The following CCDC178 variants were observed in gnomAD, a reference collection of about 807,000 sequenced individuals.
CCDC178 encodes coiled-coil domain containing 178, also known as coiled-coil domain-containing protein 178.
CCDC178 carries 126 observed loss-of-function variants against 117.4 expected under a neutral mutation model. That is an observed-to-expected ratio of 1.07 (90% CI 0.93 to 1.24). The LOEUF (loss-of-function observed/expected upper bound fraction) is 1.24. Ranked by LOEUF, CCDC178 falls within the 50% of genes most tolerant of loss-of-function variation. The probability of loss-of-function intolerance (pLI) is 0.00; values close to 1 mark genes in which losing one functional copy is unlikely to be tolerated. For missense variants in CCDC178, 1,030 were observed against 986.9 expected, an observed-to-expected ratio of 1.04 and a Z score of -0.59; for synonymous variants, 283 against 313.4, an observed-to-expected ratio of 0.90 and a Z score of 1.02.
At chr18:33,175,527 T>C (rs2144446854) in intron 20 of CCDC178, among the ~76,000 whole-genome samples, 1 of 152,230 alleles carries the variant, frequency 6.6e-6, no homozygotes, top group East Asian at 1.9e-4. Context: ...AGATTTTAAT[T>C]CATATATCTC....
chr18:33,292,766 A>G (rs914439813), intron 12 of CCDC178, among the ~76,000 whole-genome samples: 12 of 152,036 alleles, frequency 7.9e-5, no homozygotes, highest in African/African-American at 2.9e-4. Context: ...TTTTGTTTTA[A>G]TTGACACACA....
intron 20 of CCDC178, among the ~76,000 whole-genome samples, chr18:33,169,509 T>G (rs1309375947): frequency 2.6e-5 from 4 of 152,178 alleles, no homozygotes; most frequent in Non-Finnish European, 4.4e-5. Context: ...AAATCTATTC[T>G]TGGTCTATTA....
intron 2 of CCDC178, among the ~76,000 whole-genome samples, chr18:33,413,845 C>A (rs2055931697): frequency 6.6e-6 from 1 of 152,038 alleles, no homozygotes; most frequent in Non-Finnish European, 1.5e-5. Flanking sequence ...AGGACTGAGA[C>A]CCCAAAAGTC....
chr18:33,393,627 T>C (rs1462168118), intron 4 of CCDC178, among the ~76,000 whole-genome samples: 1 of 152,170 alleles, frequency 6.6e-6, no homozygotes, highest in Non-Finnish European at 1.5e-5. Flanking sequence ...GCTCAATATA[T>C]TTTTGAGATT....
At chr18:33,286,762 T>C (rs553210660) in intron 12 of CCDC178, among the ~76,000 whole-genome samples, 2 of 152,310 alleles carry the variant, frequency 1.3e-5, no homozygotes, top group East Asian at 1.9e-4. Flanking sequence ...TATGTGATTG[T>C]CAATAAAATA....
At chr18:33,311,504 G>A (rs964702344) in intron 11 of CCDC178, among the ~76,000 whole-genome samples, 5 of 152,238 alleles carry the variant, frequency 3.3e-5, no homozygotes, top group African/African-American at 1.2e-4. Context: ...CTCAGCTCCA[G>A]TGAGTGTCCC....
rs114746794 is a variant in CCDC178 at position 33,252,422 on chromosome 18, T to C, written c.1410-6994A>G. Among the ~76,000 whole-genome samples the C allele has an allele frequency of 7.6e-3, 1,151 of 151,926 alleles. 9 individuals carry two copies. The highest frequency in any genetic ancestry group is 0.026 in the African/African-American group (1,068 of 41,524). On this transcript the variant is annotated intron_variant, in intron 14 of 22. Coordinates refer to ENST00000383096, the MANE Select transcript of CCDC178 (RefSeq NM_001105528.4). ...GGTGAGTAGTTAATTTTAGATGATG[T>C]ATATATCATTTTAATGCATTATTTG... is the stretch of plus-strand genomic sequence containing the variant.
intron 6 of CCDC178, among the ~76,000 whole-genome samples, chr18:33,362,482 T>C (rs9962942): frequency 0.43 from 65,143 of 151,528 alleles, 15,447 homozygotes; most frequent in African/African-American, 0.64. Flanking sequence ...AGAGATCTAA[T>C]GTAAAACATG....
At chr18:33,029,560 G>A (rs1675122319) in intron 21 of CCDC178, among the ~76,000 whole-genome samples, 1 of 151,528 alleles carries the variant, frequency 6.6e-6, no homozygotes, top group Non-Finnish European at 1.5e-5. Flanking sequence ...TTTAAGTTTA[G>A]TTTACAATTA....
chr18:33,185,333 C>T (rs2058778415), intron 20 of CCDC178, among the ~76,000 whole-genome samples: 1 of 151,834 alleles, frequency 6.6e-6, no homozygotes, highest in South Asian at 2.1e-4. Context: ...AAGGAAAACA[C>T]CTTCCATGAA....
At chr18:33,157,729 G>C (rs758229286) in intron 20 of CCDC178, among the ~76,000 whole-genome samples, 1 of 151,948 alleles carries the variant, frequency 6.6e-6, no homozygotes, top group Non-Finnish European at 1.5e-5. Context: ...TTAAGATCTC[G>C]CTTATGGCTT....
chr18:33,346,071 G>A (rs1221762482), intron 9 of CCDC178, 140 bp downstream of exon 9: 13 of 558,598 alleles, frequency 2.3e-5, no homozygotes, highest in Middle Eastern at 4.8e-4. Flanking sequence ...CAAGTGATCC[G>A]CATCCCCAGC....
chr18:33,398,779 A>G (rs1191865880), intron 3 of CCDC178, among the ~76,000 whole-genome samples: 1 of 152,224 alleles, frequency 6.6e-6, no homozygotes, highest in Non-Finnish European at 1.5e-5. Context: ...AGTGAGTCAT[A>G]CAAAGTGTTT....
At chr18:32,942,588 C>T (rs1361267067) in intron 22 of CCDC178, among the ~76,000 whole-genome samples, 1 of 151,958 alleles carries the variant, frequency 6.6e-6, no homozygotes, top group African/African-American at 2.4e-5. Flanking sequence ...GTTAAGTCAT[C>T]TGTGTTTTCT....
intron 22 of CCDC178, among the ~76,000 whole-genome samples, chr18:32,955,540 C>A (rs1194952464): frequency 6.6e-6 from 1 of 152,102 alleles, no homozygotes; most frequent in Non-Finnish European, 1.5e-5. Flanking sequence ...GAATCTGGTT[C>A]ATCTTTATAT....
At chr18:33,391,466 A>G (rs2063564720) in intron 4 of CCDC178, among the ~76,000 whole-genome samples, 1 of 152,138 alleles carries the variant, frequency 6.6e-6, no homozygotes, top group Non-Finnish European at 1.5e-5. Context: ...ATTGATATAC[A>G]TATTATGAAT....
chr18:32,973,240 G>A (rs2144691325), intron 22 of CCDC178, among the ~76,000 whole-genome samples: 1 of 152,158 alleles, frequency 6.6e-6, no homozygotes, highest in South Asian at 2.1e-4. Flanking sequence ...TTCACAGTGA[G>A]AATTTATCAT....
chr18:33,411,469 C>G (rs2063852909), intron 3 of CCDC178, among the ~76,000 whole-genome samples: 1 of 151,888 alleles, frequency 6.6e-6, no homozygotes, highest in African/African-American at 2.4e-5. Flanking sequence ...AATTTACTGA[C>G]CTCTGTTTTA....
intron 21 of CCDC178, among the ~76,000 whole-genome samples, chr18:33,025,600 T>C (rs1047428093): frequency 1.3e-5 from 2 of 152,152 alleles, no homozygotes; most frequent in Non-Finnish European, 2.9e-5. Flanking sequence ...AGAGATATTT[T>C]ACCAAAGAGG....
Sources: gnomAD v4.1 joint callset for allele counts (sites outside exome capture counted in the v4.1 genomes callset) on GRCh38, gnomAD v4.1.1 for gene constraint, MANE v1.5 for transcripts, NCBI Gene and HGNC (gene_info 2026-07-23, HGNC 2026-07-21) for gene names.